The following GTF2A1 variants were observed in gnomAD, a reference collection of about 807,000 sequenced individuals.
GTF2A1 encodes the protein general transcription factor IIA subunit 1.
In GTF2A1, 12 loss-of-function variants were observed where a neutral mutation model predicts 54.1. That is an observed-to-expected ratio of 0.22 (90% CI 0.14 to 0.36). The LOEUF is 0.36. GTF2A1 is among the 10% of genes least tolerant of loss of function. The pLI, the probability that GTF2A1 is intolerant of heterozygous loss-of-function variation, is 1.00. For synonymous variants in GTF2A1, 145 were observed against 152.0 expected (o/e 0.95, Z 0.34); for missense variants, 335 against 442.2 (o/e 0.76, Z 2.17).
chr14:81,189,884 C>CA (rs1339263697), intron 7 of GTF2A1, among the ~76,000 whole-genome samples: 2 of 152,066 alleles, frequency 1.3e-5, no homozygotes, highest in Non-Finnish European at 2.9e-5. Context: ...ATATTCTCTA[C>CA]AAACAAAACA....
rs1400377218 is a variant in GTF2A1 at position 81,178,479 on chromosome 14, A to G, written c.*1744T>C. 6 of 152,170 alleles carry G rather than the reference A, an allele frequency of 3.9e-5. No homozygotes were observed. The highest frequency in any genetic ancestry group is 1.4e-4 in the African/African-American group (6 of 41,442). 9.4% of individuals were successfully genotyped at this position (152,170 alleles called of 1,614,324 possible). A position where few individuals can be genotyped will look rare whatever the true frequency, so the allele number is the denominator to read the frequency against. ...ATATAGTCAAAATAAAAGCTGTATT[A>G]CCAGTTATGGCATCTAAATAAAATC... is the stretch of plus-strand genomic sequence containing the variant. On this transcript the variant is annotated 3_prime_UTR_variant, in exon 9 of 9. Transcript: ENST00000553612.
chr14:81,220,092 T>C (rs61980900), intron 1 of GTF2A1, among the ~76,000 whole-genome samples: 59,655 of 151,196 alleles, frequency 0.39, 13,958 homozygotes, highest in Middle Eastern at 0.55. Flanking sequence ...TTTTGTTCTG[T>C]AGCCACTCGG....
intron 2 of GTF2A1, among the ~76,000 whole-genome samples, chr14:81,213,162 C>T (rs985378981): frequency 3.3e-5 from 5 of 152,176 alleles, no homozygotes; most frequent in Non-Finnish European, 7.3e-5. Flanking sequence ...TACTGAATGC[C>T]AACCACATAT....
chr14:81,213,416 C>G (rs1156633818), intron 2 of GTF2A1, among the ~76,000 whole-genome samples: 1 of 152,008 alleles, frequency 6.6e-6, no homozygotes, highest in Non-Finnish European at 1.5e-5. Context: ...TTGTGAAAAG[C>G]GAGAGTAGAT....
chr14:81,209,218 G>C (rs1454032381), intron 2 of GTF2A1, among the ~76,000 whole-genome samples: 1 of 152,142 alleles, frequency 6.6e-6, no homozygotes, highest in East Asian at 1.9e-4. Context: ...ATAGGGCCCA[G>C]TCTTTCCCAT....
intron 8 of GTF2A1, among the ~76,000 whole-genome samples, chr14:81,182,320 C>T (rs753228376): frequency 2.6e-5 from 4 of 152,180 alleles, no homozygotes; most frequent in Non-Finnish European, 4.4e-5. Flanking sequence ...AGATTGATGA[C>T]TTGAATGTCT....
chr14:81,197,018 T>C (rs1893006982), intron 5 of GTF2A1, among the ~76,000 whole-genome samples: 1 of 152,214 alleles, frequency 6.6e-6, no homozygotes. Flanking sequence ...AGAGATACTA[T>C]GTATAATAAT....
At chr14:81,214,340 C>T (rs145694055) in intron 2 of GTF2A1, among the ~76,000 whole-genome samples, 3 of 152,170 alleles carry the variant, frequency 2.0e-5, no homozygotes, top group Non-Finnish European at 2.9e-5. Flanking sequence ...CATCTCAGGA[C>T]GATTTATCAA....
At position 81,177,800 on chromosome 14, in the gene GTF2A1, A is replaced by G. The variant is rs893995904; in HGVS notation, c.*2423T>C. On this transcript the variant is annotated 3_prime_UTR_variant, in exon 9 of 9. Transcript: ENST00000553612. ...AAGAATTCAAGTACAATAAAAGATA[A>G]GCAAGTGACATTCTTACAGCAAAAG... is the stretch of plus-strand genomic sequence containing the variant. The G allele has an allele frequency of 6.6e-6, 1 of 152,152 alleles. No individual in the cohort carries two copies. The highest frequency in any genetic ancestry group is 1.5e-5 in the Non-Finnish European group (1 of 67,976). The allele number at this position is 152,152 out of a possible 1,614,324, so 9.4% of individuals were successfully genotyped here.
At chr14:81,207,306 G>A (rs1309356853) in intron 2 of GTF2A1, among the ~76,000 whole-genome samples, 2 of 152,006 alleles carry the variant, frequency 1.3e-5, no homozygotes, top group Non-Finnish European at 2.9e-5. Flanking sequence ...TCTTTCCCAC[G>A]CTATTCTCAG....
chr14:81,204,221 G>A (rs1893179984), intron 2 of GTF2A1, 117 bp from the exon 3 acceptor site: 2 of 807,976 alleles, frequency 2.5e-6, no homozygotes, highest in Non-Finnish European at 4.4e-6. Context: ...TACAGACACA[G>A]AAATACAACA....
chr14:81,203,835 T>C, intron 3 of GTF2A1, 65 bp downstream of exon 3: 1 of 1,363,000 alleles, frequency 7.3e-7, no homozygotes. Flanking sequence ...GCAGAATATT[T>C]CTCTTCTTTC....
At chr14:81,202,680 A>G (rs746171268) in intron 3 of GTF2A1, 2 of 517,408 alleles carry the variant, frequency 3.9e-6, no homozygotes, top group African/African-American at 3.9e-5. Flanking sequence ...ATGTTACTTA[A>G]GCGTAAAAGG....
chr14:81,194,604 A>G (rs539170074), intron 6 of GTF2A1, among the ~76,000 whole-genome samples: 14 of 152,358 alleles, frequency 9.2e-5, no homozygotes, highest in African/African-American at 3.1e-4. Flanking sequence ...TATAAAGTAC[A>G]TAAGTTCCTC....
chr14:81,211,075 A>C (rs941567117), intron 2 of GTF2A1, among the ~76,000 whole-genome samples: 1 of 152,218 alleles, frequency 6.6e-6, no homozygotes, highest in African/African-American at 2.4e-5. Flanking sequence ...TAAGATAGAC[A>C]TTATTATCTC....
chr14:81,209,194 G>A (rs1199527809), intron 2 of GTF2A1, among the ~76,000 whole-genome samples: 3 of 152,186 alleles, frequency 2.0e-5, no homozygotes, highest in Non-Finnish European at 2.9e-5. Flanking sequence ...GACACAGCAG[G>A]AGGTAACTGA....
chr14:81,188,117 G>C (rs1357765060), intron 7 of GTF2A1, among the ~76,000 whole-genome samples: 6 of 152,294 alleles, frequency 3.9e-5, no homozygotes, highest in African/African-American at 1.4e-4. Context: ...TTAGCTATTT[G>C]TGTATCTTCT....
chr14:81,202,829 T>A (rs1240962560), intron 3 of GTF2A1: 2 of 502,490 alleles, frequency 4.0e-6, no homozygotes, highest in Non-Finnish European at 7.8e-6. Flanking sequence ...GGAAGAACAG[T>A]CATCAAAAAA....
intron 5 of GTF2A1, among the ~76,000 whole-genome samples, chr14:81,196,752 C>T (rs1232773870): frequency 1.3e-5 from 2 of 152,140 alleles, no homozygotes; most frequent in East Asian, 1.9e-4. Context: ...GAATCAAATT[C>T]CCCCAATATG....
Sources: gnomAD v4.1 joint callset for allele counts (sites outside exome capture counted in the v4.1 genomes callset) on GRCh38, gnomAD v4.1.1 for gene constraint, MANE v1.5 for transcripts, NCBI Gene and HGNC (gene_info 2026-07-23, HGNC 2026-07-21) for gene names.